DNAH11: variants seen among roughly 807,000 people sequenced by gnomAD.
DNAH11 encodes axonemal beta dynein heavy chain 11.
A neutral mutation model predicts 526.0 loss-of-function variants in DNAH11; 442 were observed. The ratio of observed to expected loss-of-function variants is 0.84; its 90% CI spans 0.78 to 0.91. The LOEUF is 0.91. Ranked by LOEUF, DNAH11 falls within the 40% of genes least tolerant of loss-of-function variation. The pLI is 0.00. For synonymous variants in DNAH11, 2,461 were observed against 1,935.9 expected (o/e 1.27, Z -7.12); for missense variants, 6,989 against 5,448.7 (o/e 1.28, Z -8.90).
Position 21,773,957 on chromosome 7 carries a change from C to T in DNAH11, c.9294C>T (p.Arg3098=), listed in dbSNP as rs562256432. ...KQNEVSEKKE[R]LVNGIQKLKT... The stretch of plus-strand genomic sequence containing the variant: ...ATGAGGTATCCGAGAAAAAAGAACG[C>T]CTGGTGAACGGCATCCAAAAGCTAA... Residue 3098 remains arginine, a synonymous_variant, in exon 56 of 82, where the codon CGC becomes CGT. Coordinates refer to ENST00000409508, the MANE Select transcript of DNAH11 (RefSeq NM_001277115.2). The T allele has an allele frequency of 1.3e-6, 2 of 1,582,132 alleles. No homozygotes were observed. The highest frequency in any genetic ancestry group is 2.7e-5 in the African/African-American group (2 of 74,042).
chr7:21,786,542 A>G (rs1788201023), intron 58 of DNAH11, 82 bp from the exon 59 acceptor site: 4 of 1,491,072 alleles, frequency 2.7e-6, no homozygotes, highest in South Asian at 1.5e-5. Context: ...AGTCCACTAA[A>G]GCCTTGCTTG....
At chr7:21,661,879 G>T (rs6970934) in intron 30 of DNAH11, among the ~76,000 whole-genome samples, 3 of 151,946 alleles carry the variant, frequency 2.0e-5, no homozygotes, top group African/African-American at 7.3e-5. Flanking sequence ...GAGTGCAATG[G>T]CACAATCTCA....
chr7:21,791,965 A>G (rs1319584436), intron 61 of DNAH11, among the ~76,000 whole-genome samples: 1 of 152,206 alleles, frequency 6.6e-6, no homozygotes, highest in Non-Finnish European at 1.5e-5. Context: ...GAAGCATAGC[A>G]GTTCCTGCTT....
At chr7:21,683,511 T>C (rs1783229556) in intron 31 of DNAH11, among the ~76,000 whole-genome samples, 1 of 117,248 alleles carries the variant, frequency 8.5e-6, no homozygotes, top group Non-Finnish European at 1.7e-5. Flanking sequence ...ATTTATCTAA[T>C]CCCCTGGGGT....
chr7:21,859,379 G>T (rs1000622072), intron 68 of DNAH11, among the ~76,000 whole-genome samples: 2 of 152,162 alleles, frequency 1.3e-5, no homozygotes, highest in Non-Finnish European at 2.9e-5. Context: ...CTCCCAAAGT[G>T]CTGGGATTAC....
chr7:21,749,317 C>T (rs887522321), intron 52 of DNAH11, among the ~76,000 whole-genome samples: 10 of 152,174 alleles, frequency 6.6e-5, no homozygotes, highest in African/African-American at 2.2e-4. Context: ...AACCCGTTTT[C>T]GAAAAAATAG....
chr7:21,859,455 C>G (rs1256352346), intron 68 of DNAH11, among the ~76,000 whole-genome samples: 1 of 152,204 alleles, frequency 6.6e-6, no homozygotes, highest in Non-Finnish European at 1.5e-5. Flanking sequence ...ATCCCCAAGA[C>G]ATCTCATTGT....
At chr7:21,670,867 CGTGTGT>C (rs59872330) in intron 30 of DNAH11, among the ~76,000 whole-genome samples, 23 of 147,276 alleles carry the variant, frequency 1.6e-4, no homozygotes, top group South Asian at 4.3e-4. Context: ...TAAGTGTGTA[CGTGTGT>C]GTGTGTGTGT....
In DNAH11 at chr7:21,545,109, C is replaced by A; in HGVS notation, c.455C>A (p.Pro152His). The change falls in exon 2 of 82, where the codon CCT becomes CAT. Residue 152 changes from proline (P) to histidine (H), a missense_variant. Coordinates refer to ENST00000409508, the MANE Select transcript of DNAH11 (RefSeq NM_001277115.2). ...CAAGTGGTTTTATTTGGAGAGTTAC[C>A]TGCGTTGTCTCTTGGACATGTATCT... The part of the protein sequence containing the change: ...FSQVVLFGEL[P>H]ALSLGHVSAF... The A allele has an allele frequency of 6.2e-7, 1 of 1,610,480 alleles. No homozygotes were observed. The highest frequency in any genetic ancestry group is 8.5e-7 in the Non-Finnish European group (1 of 1,178,226).
At chr7:21,610,503 C>T (rs1467002459) in intron 20 of DNAH11, among the ~76,000 whole-genome samples, 1 of 151,944 alleles carries the variant, frequency 6.6e-6, no homozygotes, top group South Asian at 2.1e-4. Context: ...AATATGAGTA[C>T]ACAATAAAAC....
intron 9 of DNAH11, among the ~76,000 whole-genome samples, chr7:21,586,272 A>G (rs1261889665): frequency 6.6e-6 from 1 of 152,228 alleles, no homozygotes; most frequent in Admixed American, 6.5e-5. Context: ...TTGTGAAATA[A>G]ATACACTTAT....
At chr7:21,809,922 G>T (rs534283415) in intron 63 of DNAH11, among the ~76,000 whole-genome samples, 1 of 152,134 alleles carries the variant, frequency 6.6e-6, no homozygotes, top group East Asian at 1.9e-4. Flanking sequence ...TTTTAGTGAT[G>T]GTTTCAACAA....
intron 30 of DNAH11, among the ~76,000 whole-genome samples, chr7:21,662,341 A>G (rs1481876212): frequency 1.3e-5 from 2 of 152,114 alleles, no homozygotes; most frequent in Non-Finnish European, 2.9e-5. Context: ...TACAATTAAT[A>G]TCTTGTTTTA....
At chr7:21,692,023 A>C (rs1436858698) in intron 35 of DNAH11, among the ~76,000 whole-genome samples, 1 of 152,240 alleles carries the variant, frequency 6.6e-6, no homozygotes, top group Non-Finnish European at 1.5e-5. Context: ...GTAAGAGAAC[A>C]TGTGTTGCTA....
chr7:21,811,295 C>A (rs188273147), intron 63 of DNAH11, among the ~76,000 whole-genome samples: 2 of 151,390 alleles, frequency 1.3e-5, no homozygotes, highest in East Asian at 3.9e-4. Flanking sequence ...AAACCCCCCC[C>A]CCTACTAAAA....
rs748935519 is a variant in DNAH11, at chr7:21,861,934, G to C, written c.11284G>C (p.Glu3762Gln). The change falls in exon 69 of 82, where the codon GAG becomes CAG. Residue 3762 changes from glutamate to glutamine, a missense_variant. Coordinates refer to ENST00000409508, the MANE Select transcript of DNAH11 (RefSeq NM_001277115.2). Reference protein sequence around the residue: ...DMQGRISILMESITHAVFLYT... With the variant: ...DMQGRISILMQSITHAVFLYT... ...GCAGGGACGCATCTCTATCCTGATG[G>C]AGAGCATCACCCATGCTGTCTTCCT... 3 of 1,613,468 alleles carry C rather than the reference G, an allele frequency of 1.9e-6. No homozygotes were observed. The African/African-American group carries it at 4.0e-5, about 22-fold the overall frequency.
chr7:21,822,555 T>A (rs1041706410), intron 65 of DNAH11, among the ~76,000 whole-genome samples: 14 of 152,172 alleles, frequency 9.2e-5, no homozygotes, highest in Admixed American at 8.5e-4. Context: ...AAGGGTTTCT[T>A]ATCTAGGTTA....
intron 48 of DNAH11, among the ~76,000 whole-genome samples, chr7:21,740,462 G>A (rs529974865): frequency 1.2e-4 from 18 of 152,162 alleles, no homozygotes; most frequent in East Asian, 5.8e-4. Context: ...CCTCATATAC[G>A]TGGAATTATC....
chr7:21,865,873 A>G (rs1583789191), intron 70 of DNAH11, among the ~76,000 whole-genome samples: 1 of 152,158 alleles, frequency 6.6e-6, no homozygotes, highest in African/African-American at 2.4e-5. Flanking sequence ...GATTATTCAT[A>G]TCTCCCCTTT....
Sources: allele counts gnomAD v4.1 joint callset (sites outside exome capture counted in the v4.1 genomes callset), GRCh38; gene constraint gnomAD v4.1.1; transcripts MANE v1.5; gene names NCBI Gene and HGNC (gene_info 2026-07-23, HGNC 2026-07-21).